AMPD3: variants seen among roughly 807,000 people sequenced by gnomAD.
AMPD3 encodes adenosine monophosphate deaminase 3, also known as AMP deaminase 3.
Under a neutral mutation model 82.3 loss-of-function variants are expected in AMPD3, and 57 were observed. That is an observed-to-expected ratio of 0.69 (90% CI 0.56 to 0.86). The LOEUF (loss-of-function observed/expected upper bound fraction) is 0.86, where lower values mean the gene tolerates loss of function less well. Among genes scored for constraint, AMPD3 ranks in the 40% least tolerant of loss-of-function variants. The probability of loss-of-function intolerance (pLI) is 0.00; values close to 1 mark genes in which losing one functional copy is unlikely to be tolerated. For missense variants in AMPD3, 870 were observed against 1,003.8 expected, an observed-to-expected ratio of 0.87 and a Z score of 1.80; for synonymous variants, 381 against 394.7, an observed-to-expected ratio of 0.97 and a Z score of 0.41.
chr11:10,502,853 T>A lies in AMPD3; in HGVS notation c.1975T>A (p.Ser659Thr). The part of the protein sequence containing the change: ...REFLHKGLHV[S>T]LSTDDPMQFH... ...ATTCCTACACAAGGGACTGCATGTT[T>A]CTCTTTCCACCGATGACCCCATGCA... is the stretch of plus-strand genomic sequence containing the variant. The change falls in exon 13 of 15, where the codon TCT becomes ACT. Residue 659 changes from serine to threonine, a missense_variant. Physicochemically the swap from Ser to Thr is moderately conservative, Grantham distance 58 (BLOSUM62 1). Coordinates refer to ENST00000396553, the MANE Select transcript of AMPD3 (RefSeq NM_001025389.2). 6.2e-7 allele frequency: 1 copy of A among 1,614,200 alleles called. No homozygotes were observed. The highest frequency in any genetic ancestry group is 8.5e-7 in the Non-Finnish European group (1 of 1,180,038).
At position 10,461,536 on chromosome 11, in the gene AMPD3, C is replaced by A; in HGVS notation, c.17C>A (p.Pro6His). The A allele has an allele frequency of 6.2e-7, 1 of 1,614,170 alleles. No individual in the cohort carries two copies. Among genetic ancestry groups the A allele is most frequent in the South Asian group, 1.1e-5 (1 of 91,084 alleles). MPRQF[P>H]KLNISEVDEQ... ...CTAGCTGAGATGCCGCGGCAGTTTC[C>A]CAAGCTGAACATCTCTGAAGTGGAT... The change falls in exon 2 of 15, where the codon CCC becomes CAC. Residue 6 changes from proline (P) to histidine (H), a missense_variant. Transcript: ENST00000396553.
rs1446232255 is a variant in AMPD3 at position 10,506,019 on chromosome 11, TG to T, written c.*137del. ...TGAAGAAATTTTAAACTGGTGATTT[TG>T]GTTGCACTGCTCACTTTAAGAGTTA... On this transcript the variant is annotated 3_prime_UTR_variant, in exon 15 of 15. Transcript: ENST00000396553. This position sits in a 1 kb window ranked among gnomAD's most constrained non-coding sequence, Gnocchi z 4.1. 2.1e-6 allele frequency: 2 copies of T among 959,092 alleles called. No individual in the cohort carries two copies. The highest frequency in any genetic ancestry group is 3.3e-6 in the Non-Finnish European group (2 of 614,142). 59.4% of individuals were successfully genotyped at this position (959,092 alleles called of 1,614,324 possible).
At chr11:10,468,370 T>C (rs1591448119) in intron 2 of AMPD3, among the ~76,000 whole-genome samples, 1 of 147,796 alleles carries the variant, frequency 6.8e-6, no homozygotes, top group African/African-American at 2.5e-5. Flanking sequence ...AAGTTGCAAG[T>C]TTAACCTCTG....
At chr11:10,455,807 C>T (rs1848075202) in intron 1 of AMPD3, 1 of 657,878 alleles carries the variant, frequency 1.5e-6, no homozygotes, top group African/African-American at 2.0e-5. Context: ...TATGGGGTGC[C>T]CTTGGGAGGG....
In AMPD3 at chr11:10,482,099, C is replaced by T. The variant is rs778219413; in HGVS notation, c.463C>T (p.Leu155=). 1 of 1,614,210 alleles carries T rather than the reference C, an allele frequency of 6.2e-7. No homozygotes were observed. The highest frequency in any genetic ancestry group is 8.5e-7 in the Non-Finnish European group (1 of 1,180,046). ...LEDYEQAAKS[L]AKALMIREKY... is the part of the protein sequence containing the mutation. ...GGACTATGAGCAGGCAGCCAAGAGT[C>T]TGGCCAAGGCCCTAATGATCCGGGA... Residue 155 remains leucine, a synonymous_variant, in exon 4 of 15, where the codon CTG becomes TTG. Transcript: ENST00000396553.
At chr11:10,497,593 G>A in intron 10 of AMPD3, 1 of 985,424 alleles carries the variant, frequency 1.0e-6, no homozygotes, top group South Asian at 4.7e-5. Context: ...CGAGGGCTGG[G>A]GCACGGGGAA....
intron 7 of AMPD3, among the ~76,000 whole-genome samples, chr11:10,494,057 A>G (rs567105214): frequency 6.6e-6 from 1 of 152,372 alleles, no homozygotes; most frequent in South Asian, 2.1e-4. Flanking sequence ...TATTATTCAT[A>G]GCAGCCAACA....
At chr11:10,458,388 T>C (rs990809270) in intron 1 of AMPD3, among the ~76,000 whole-genome samples, 1 of 152,184 alleles carries the variant, frequency 6.6e-6, no homozygotes, top group Non-Finnish European at 1.5e-5. Flanking sequence ...TTTTTCTCTC[T>C]TTTCATAGAG....
upstream of AMPD3, among the ~76,000 whole-genome samples, chr11:10,453,253 A>G (rs553802218): frequency 5.3e-4 from 81 of 152,180 alleles, no homozygotes; most frequent in Non-Finnish European, 1.1e-3. Context: ...ACTCAGCCTG[A>G]GTCTACGTTT....
intron 10 of AMPD3, chr11:10,499,388 AT>A (rs908083707): frequency 4.6e-5 from 7 of 151,040 alleles, no homozygotes; most frequent in Non-Finnish European, 1.0e-4. Flanking sequence ...TAATTTTTGT[AT>A]TTTTTTTTAC....
chr11:10,466,791 G>GCTCT (rs1191351928), intron 2 of AMPD3, among the ~76,000 whole-genome samples: 1 of 152,204 alleles, frequency 6.6e-6, no homozygotes, highest in African/African-American at 2.4e-5. Flanking sequence ...ATACAGGAGA[G>GCTCT]CTCTGGCTGG....
chr11:10,472,187 A>T (rs1398175741), intron 2 of AMPD3, among the ~76,000 whole-genome samples: 1 of 152,156 alleles, frequency 6.6e-6, no homozygotes, highest in Non-Finnish European at 1.5e-5. Context: ...GCAAACTAAC[A>T]CAAGAAGAGA....
chr11:10,487,407 C>T (rs1169056548), intron 6 of AMPD3, 43 bp downstream of exon 6: 2 of 1,611,722 alleles, frequency 1.2e-6, no homozygotes, highest in Non-Finnish European at 1.7e-6. Flanking sequence ...ACCCGGTCCC[C>T]CTCCCAGCCC....
chr11:10,458,945 G>C (rs147583663), intron 1 of AMPD3, among the ~76,000 whole-genome samples: 6 of 152,248 alleles, frequency 3.9e-5, no homozygotes, highest in African/African-American at 1.2e-4. Context: ...TTGGAATAAG[G>C]GGGGAGGTGA....
At chr11:10,459,366 C>T (rs1049170811) in intron 1 of AMPD3, among the ~76,000 whole-genome samples, 2 of 152,140 alleles carry the variant, frequency 1.3e-5, no homozygotes, top group Non-Finnish European at 2.9e-5. Context: ...CCTCAGGCAC[C>T]GGAAATCTCT....
Position 10,493,506 on chromosome 11 carries a change from C to G in AMPD3, c.1097C>G (p.Pro366Arg), listed in dbSNP as rs1203391751. Residue 366 changes from proline (P) to arginine (R), a missense_variant, in exon 7 of 15, where the codon CCC becomes CGC. Physicochemically the swap from Pro to Arg is moderately radical, Grantham distance 103. Transcript: ENST00000396553. The part of the protein sequence containing the change: ...RQVFDGLHMD[P>R]YDLTVDSLDV... ...GTGTTTGACGGCCTGCACATGGACC[C>G]CTACGACCTCACTGTGGACTCACTG... 12 of 1,614,102 alleles carry G rather than the reference C, an allele frequency of 7.4e-6. No homozygotes were observed. Among genetic ancestry groups the G allele is most frequent in the African/African-American group, 1.3e-5 (1 of 74,944 alleles).
At chr11:10,504,068 T>G in intron 13 of AMPD3, 2 of 966,710 alleles carry the variant, frequency 2.1e-6, no homozygotes, top group Non-Finnish European at 2.5e-6. Flanking sequence ...CTATGATCAC[T>G]TCTCATTTTT....
At chr11:10,501,635 C>A in intron 12 of AMPD3, 45 bp downstream of exon 12, 1 of 1,613,924 alleles carries the variant, frequency 6.2e-7, no homozygotes. Context: ...GACTGCCCTG[C>A]CCTGGGCTCC....
chr11:10,478,639 T>G lies in AMPD3; in HGVS notation c.335T>G (p.Val112Gly). 1 of 1,614,208 alleles carries G rather than the reference T, an allele frequency of 6.2e-7. No homozygotes were observed. The highest frequency in any genetic ancestry group is 1.1e-5 in the South Asian group (1 of 91,092). Reference protein sequence around the residue: ...ASPAMSPTTPVVTGATSLPTP... With the variant: ...ASPAMSPTTPGVTGATSLPTP... The stretch of plus-strand genomic sequence containing the variant: ...CCGGCCATGTCTCCCACAACCCCTG[T>G]GGTCACTGGAGCCACTTCCCTGCCC... Residue 112 changes from valine (V) to glycine (G), a missense_variant, in exon 3 of 15, where the codon GTG (valine) becomes GGG (glycine). Coordinates refer to ENST00000396553, the MANE Select transcript of AMPD3 (RefSeq NM_001025389.2).
Sources: gnomAD v4.1 joint callset for allele counts (sites outside exome capture counted in the v4.1 genomes callset) on GRCh38, gnomAD v4.1.1 for gene constraint, Gnocchi (gnomAD v3.1) non-coding constraint, MANE v1.5 for transcripts, NCBI Gene and HGNC (gene_info 2026-07-23, HGNC 2026-07-21) for gene names.